The following MBD5 variants were observed in gnomAD, a reference collection of about 807,000 sequenced individuals.
The protein encoded by MBD5 is methyl-CpG-binding domain protein 5.
A neutral mutation model predicts 117.3 loss-of-function variants in MBD5; 13 were observed. The observed-to-expected ratio is 0.11, with a 90% CI of 0.07 to 0.18. MBD5 has a LOEUF of 0.18. Among genes scored for constraint, MBD5 ranks in the 10% least tolerant of loss-of-function variants. The pLI is 1.00. For missense variants in MBD5, 1,879 were observed against 2,093.8 expected (o/e 0.90, Z 2.00); for synonymous variants, 727 against 766.4 (o/e 0.95, Z 0.85).
intron 1 of MBD5, among the ~76,000 whole-genome samples, chr2:148,090,458 C>A (rs1278120880): frequency 6.6e-6 from 1 of 151,974 alleles, no homozygotes; most frequent in Non-Finnish European, 1.5e-5. Context: ...TACTAGCAAA[C>A]CGAATCCAAC....
intron 1 of MBD5, among the ~76,000 whole-genome samples, chr2:148,163,509 A>G (rs1310349241): frequency 6.6e-6 from 1 of 152,048 alleles, no homozygotes; most frequent in Non-Finnish European, 1.5e-5. Flanking sequence ...GCAACCTCCC[A>G]GGTTCAAGCG....
At chr2:148,172,486 G>A (rs1698285880) in intron 1 of MBD5, among the ~76,000 whole-genome samples, 1 of 152,204 alleles carries the variant, frequency 6.6e-6, no homozygotes, top group African/African-American at 2.4e-5. Flanking sequence ...GGAAGGCAGA[G>A]GGTGGCTGGG....
intron 1 of MBD5, among the ~76,000 whole-genome samples, chr2:148,104,278 G>C (rs1696311281): frequency 6.6e-6 from 1 of 151,928 alleles, no homozygotes; most frequent in Non-Finnish European, 1.5e-5. Flanking sequence ...TACTTGGTAG[G>C]TACTAACATC....
intron 1 of MBD5, among the ~76,000 whole-genome samples, chr2:148,144,652 A>G (rs1200056779): frequency 6.6e-6 from 1 of 152,220 alleles, no homozygotes; most frequent in African/African-American, 2.4e-5. Flanking sequence ...ATCCAGTTTC[A>G]GCTTTCTACA....
At chr2:148,277,595 A>G (rs570801977) in intron 3 of MBD5, among the ~76,000 whole-genome samples, 19 of 152,180 alleles carry the variant, frequency 1.2e-4, no homozygotes, top group Admixed American at 5.2e-4. Flanking sequence ...TACTTTACCT[A>G]TAATTACTCA....
At chr2:148,047,395 C>T (rs916928472) in intron 1 of MBD5, among the ~76,000 whole-genome samples, 10 of 152,066 alleles carry the variant, frequency 6.6e-5, no homozygotes, top group South Asian at 2.1e-4. Context: ...GTACATTTTG[C>T]GTGGAGACAG....
At chr2:148,437,227 C>T (rs949848888) in intron 4 of MBD5, among the ~76,000 whole-genome samples, 3 of 151,726 alleles carry the variant, frequency 2.0e-5, no homozygotes, top group Admixed American at 6.6e-5. Flanking sequence ...ATTATCCACC[C>T]GCCTCAGCCT....
intron 4 of MBD5, among the ~76,000 whole-genome samples, chr2:148,429,777 A>G (rs544889200): frequency 1.1e-4 from 16 of 152,298 alleles, no homozygotes; most frequent in African/African-American, 3.8e-4. Flanking sequence ...GTTCTCACTC[A>G]TAAGTGGGAG....
intron 3 of MBD5, among the ~76,000 whole-genome samples, chr2:148,330,323 G>T (rs1275829402): frequency 6.6e-6 from 1 of 152,082 alleles, no homozygotes. Context: ...GAGAGAGAAG[G>T]ATATGCTGAT....
chr2:148,043,937 T>C (rs551698113), intron 1 of MBD5, among the ~76,000 whole-genome samples: 16 of 152,216 alleles, frequency 1.1e-4, no homozygotes, highest in Non-Finnish European at 2.1e-4. Flanking sequence ...TTATAGCTAC[T>C]TGAAAATACT....
At chr2:148,232,438 A>G (rs1700010426) in intron 2 of MBD5, among the ~76,000 whole-genome samples, 1 of 152,204 alleles carries the variant, frequency 6.6e-6, no homozygotes, top group South Asian at 2.1e-4. Context: ...ATGACAATGG[A>G]TGAAACTCAG....
chr2:148,232,245 C>A (rs1700005299), intron 2 of MBD5, among the ~76,000 whole-genome samples: 1 of 152,168 alleles, frequency 6.6e-6, no homozygotes, highest in South Asian at 2.1e-4. Context: ...GATCCAAGTC[C>A]TTGCCTTAGA....
intron 4 of MBD5, among the ~76,000 whole-genome samples, chr2:148,354,944 A>G (rs938286294): frequency 2.0e-5 from 3 of 150,496 alleles, no homozygotes; most frequent in African/African-American, 7.4e-5. Context: ...TTTTTGATGG[A>G]CTTTTTCATA....
At chr2:148,381,182 G>A (rs1228066097) in intron 4 of MBD5, among the ~76,000 whole-genome samples, 1 of 152,108 alleles carries the variant, frequency 6.6e-6, no homozygotes, top group Non-Finnish European at 1.5e-5. Context: ...GCTAAAGGAG[G>A]AAGTTCGAAC....
intron 2 of MBD5, among the ~76,000 whole-genome samples, chr2:148,181,672 A>AT (rs1320769040): frequency 1.3e-5 from 2 of 151,654 alleles, no homozygotes; most frequent in Non-Finnish European, 2.9e-5. Context: ...TTCTTTATAT[A>AT]TTTTTTCATT....
rs138627936 is a variant in MBD5 at position 148,371,127 on chromosome 2, T to C, written c.-557+28791T>C. 7.2e-4 allele frequency among the ~76,000 whole-genome samples: 109 copies of C among 152,316 alleles called. 1 individual carries two copies. The East Asian group carries it at 0.021, about 29-fold the overall frequency. ...GCATTTCAAAAAATTATTTCTATTT[T>C]CTGCTGTTCCTTAGTTTTTTAAAAT... On this transcript the variant is annotated intron_variant, in intron 4 of 13. Coordinates refer to ENST00000642680, the MANE Select transcript of MBD5 (RefSeq NM_001378120.1).
chr2:148,206,534 A>C (rs1461961259), intron 2 of MBD5, among the ~76,000 whole-genome samples: 1 of 152,126 alleles, frequency 6.6e-6, no homozygotes, highest in African/African-American at 2.4e-5. Context: ...CTATTTTGCT[A>C]TTGAACCCTA....
chr2:148,106,247 G>T (rs959227287), intron 1 of MBD5, among the ~76,000 whole-genome samples: 5 of 151,796 alleles, frequency 3.3e-5, no homozygotes, highest in Admixed American at 1.3e-4. Context: ...GGGTGTTCGT[G>T]TAGTTCTTGT....
chr2:148,431,108 C>T (rs1374293849), intron 4 of MBD5, among the ~76,000 whole-genome samples: 1 of 152,078 alleles, frequency 6.6e-6, no homozygotes, highest in Non-Finnish European at 1.5e-5. Context: ...GATCTGAGTA[C>T]AGAATTATTC....
Sources: gnomAD v4.1 joint callset for allele counts (sites outside exome capture counted in the v4.1 genomes callset) on GRCh38, gnomAD v4.1.1 for gene constraint, MANE v1.5 for transcripts, NCBI Gene and HGNC (gene_info 2026-07-23, HGNC 2026-07-21) for gene names.